Variants in UNC79 observed in about 807,000 individuals in gnomAD.
UNC79 encodes the protein unc-79 subunit of NALCN channel complex.
In UNC79, 37 loss-of-function variants were observed where a neutral mutation model predicts 283.1. The ratio of observed to expected loss-of-function variants is 0.13; its 90% CI spans 0.10 to 0.17. The LOEUF (loss-of-function observed/expected upper bound fraction) is 0.17, where lower values mean the gene tolerates loss of function less well. UNC79 is among the 10% of genes least tolerant of loss of function. The probability of loss-of-function intolerance (pLI) is 1.00; values close to 1 mark genes in which losing one functional copy is unlikely to be tolerated. For missense variants in UNC79, 2,272 were observed against 3,211.1 expected (o/e 0.71, Z 7.07); for synonymous variants, 1,107 against 1,200.2 (o/e 0.92, Z 1.61).
intron 14 of UNC79, among the ~76,000 whole-genome samples, chr14:93,560,538 G>A (rs923952331): frequency 2.0e-5 from 3 of 152,084 alleles, no homozygotes; most frequent in African/African-American, 7.2e-5. Flanking sequence ...TTCTAGTATC[G>A]AGAGCAATAG....
At chr14:93,390,316 C>T (rs1268344284) in intron 1 of UNC79, among the ~76,000 whole-genome samples, 2 of 152,050 alleles carry the variant, frequency 1.3e-5, no homozygotes, top group African/African-American at 2.4e-5. Context: ...AAGAGAATAT[C>T]CTCAACCTGA....
chr14:93,701,915 G>A (rs1165855619), intron 47 of UNC79, among the ~76,000 whole-genome samples: 1 of 152,174 alleles, frequency 6.6e-6, no homozygotes, highest in African/African-American at 2.4e-5. Flanking sequence ...AGCCACAGTG[G>A]CAGCACTGGG....
chr14:93,420,741 AAAT>A (rs1404261408), intron 1 of UNC79, among the ~76,000 whole-genome samples: 1 of 151,812 alleles, frequency 6.6e-6, no homozygotes, highest in Non-Finnish European at 1.5e-5. Flanking sequence ...AAAAAAATTA[AAAT>A]AATATCAAGC....
chr14:93,704,706 G>A (rs748755842), intron 48 of UNC79, 40 bp downstream of exon 51: 4 of 1,607,218 alleles, frequency 2.5e-6, no homozygotes, highest in Middle Eastern at 1.7e-4. Context: ...TCGGTTTCCT[G>A]CAGAGAACGT....
chr14:93,337,584 A>T (rs1361211681), intron 1 of UNC79, among the ~76,000 whole-genome samples: 2 of 152,198 alleles, frequency 1.3e-5, no homozygotes, highest in Admixed American at 1.3e-4. Context: ...CTCACATGAT[A>T]GGAAGCAGTG....
At position 93,345,250 on chromosome 14, in the gene UNC79, C is replaced by T. The variant is rs144156552; in HGVS notation, c.-351+11727C>T. ...TCCAGAACTGTAAGAAATACATTTC[C>T]GTCATTTATAAGCCATCCAGTCTGT... On this transcript the variant is annotated intron_variant, in intron 1 of 49. Transcript: ENST00000256339. Among the ~76,000 whole-genome samples the T allele has an allele frequency of 4.7e-3, 722 of 152,268 alleles. 4 individuals carry two copies. The highest frequency in any genetic ancestry group is 0.016 in the African/African-American group (677 of 41,534).
chr14:93,424,405 C>T (rs1248578875), intron 1 of UNC79, among the ~76,000 whole-genome samples: 3 of 152,198 alleles, frequency 2.0e-5, no homozygotes, highest in Non-Finnish European at 4.4e-5. Context: ...GAGAGATCTG[C>T]ACTCTCATGT....
chr14:93,390,039 C>T (rs2054854361), intron 1 of UNC79, among the ~76,000 whole-genome samples: 1 of 152,198 alleles, frequency 6.6e-6, no homozygotes, highest in South Asian at 2.1e-4. Flanking sequence ...GTTAATCTCT[C>T]TCATGAACAA....
At chr14:93,464,497 C>T (rs909152228) in intron 1 of UNC79, 10 of 455,480 alleles carry the variant, frequency 2.2e-5, no homozygotes, top group African/African-American at 8.0e-5. Flanking sequence ...ACTTAATCAC[C>T]CTTTTAAAGG....
intron 1 of UNC79, among the ~76,000 whole-genome samples, chr14:93,418,690 C>A (rs534159109): frequency 2.6e-5 from 4 of 151,808 alleles, no homozygotes; most frequent in African/African-American, 9.7e-5. Flanking sequence ...TCGAGCTTCC[C>A]GCCTGCTTTG....
At chr14:93,662,570 C>A in intron 39 of UNC79, 34 bp from the exon 43 acceptor site, 3 of 1,367,658 alleles carry the variant, frequency 2.2e-6, no homozygotes, top group Non-Finnish European at 3.1e-6. Flanking sequence ...AAGTAATCAG[C>A]AATTGACTTT....
At chr14:93,549,328 T>C (rs1885757) in intron 14 of UNC79, among the ~76,000 whole-genome samples, 152,053 of 152,350 alleles carry the variant, frequency 1, 75,881 homozygotes, top group Middle Eastern at 1. Context: ...ATTCTATAAT[T>C]TTAAACATTG....
chr14:93,542,761 G>A, intron 14 of UNC79, 65 bp downstream of exon 14: 1 of 1,521,086 alleles, frequency 6.6e-7, no homozygotes, highest in South Asian at 1.1e-5. Context: ...TGCTGCCTTA[G>A]CCATGTGGGT....
chr14:93,674,054 T>G (rs1001854762), intron 41 of UNC79, among the ~76,000 whole-genome samples: 12 of 152,258 alleles, frequency 7.9e-5, no homozygotes, highest in Admixed American at 3.3e-4. Context: ...TCTGAGGGAC[T>G]AAAGCCTTCT....
intron 7 of UNC79, among the ~76,000 whole-genome samples, chr14:93,508,175 G>A (rs2059642430): frequency 1.3e-5 from 2 of 149,084 alleles, no homozygotes; most frequent in East Asian, 2.0e-4. Flanking sequence ...TTAAATTTTA[G>A]CATCAGCTTT....
At chr14:93,612,859 G>C in exon 27 of UNC79, 1 of 1,613,996 alleles carries the variant, frequency 6.2e-7, no homozygotes. Flanking sequence ...CGCTGGGATC[G>C]ACCACCAGAC....
At chr14:93,566,610 T>C (rs1209047810) in intron 14 of UNC79, among the ~76,000 whole-genome samples, 7 of 151,730 alleles carry the variant, frequency 4.6e-5, no homozygotes, top group African/African-American at 1.7e-4. Flanking sequence ...CTTGGTTCGA[T>C]TTTGGATACC....
chr14:93,586,184 C>T, intron 20 of UNC79, among the ~76,000 whole-genome samples: 1 of 152,172 alleles, frequency 6.6e-6, no homozygotes, highest in African/African-American at 2.4e-5. Context: ...CCCATCCAAA[C>T]ACCTCTCTTT....
At chr14:93,459,996 A>C (rs1411558541) in intron 1 of UNC79, among the ~76,000 whole-genome samples, 1 of 124,870 alleles carries the variant, frequency 8.0e-6, no homozygotes, top group Non-Finnish European at 1.7e-5. Context: ...AACCCTCACA[A>C]TAACTTTGCA....
Sources: allele counts gnomAD v4.1 joint callset (sites outside exome capture counted in the v4.1 genomes callset), GRCh38; gene constraint gnomAD v4.1.1; transcripts MANE v1.5; gene names NCBI Gene and HGNC (gene_info 2026-07-23, HGNC 2026-07-21).